TRIQK: variants seen among roughly 807,000 people sequenced by gnomAD.
TRIQK encodes the protein triple QxxK/R motif-containing protein.
TRIQK carries 10 observed loss-of-function variants against 10.8 expected under a neutral mutation model. The ratio of observed to expected loss-of-function variants is 0.92; its 90% confidence interval spans 0.57 to 1.57. The LOEUF (loss-of-function observed/expected upper bound fraction) is 1.57, where lower values mean the gene tolerates loss of function less well. Ranked by LOEUF, TRIQK falls within the 40% of genes most tolerant of loss-of-function variation. TRIQK has a pLI of 0.00. For missense variants in TRIQK, 107 were observed against 97.7 expected, an observed-to-expected ratio of 1.09 and a Z score of -0.40; for synonymous variants, 33 against 33.7, an observed-to-expected ratio of 0.98 and a Z score of 0.07.
chr8:92,983,609 T>A (rs1423182400), intron 1 of TRIQK, among the ~76,000 whole-genome samples: 2 of 152,106 alleles, frequency 1.3e-5, no homozygotes, highest in Non-Finnish European at 2.9e-5. Context: ...AAAGTATGTA[T>A]AATTTCTGAA....
intron 4 of TRIQK, among the ~76,000 whole-genome samples, chr8:92,891,049 T>G (rs1203097031): frequency 6.6e-6 from 1 of 151,802 alleles, no homozygotes. Flanking sequence ...TGTGCAAACA[T>G]ACTGCATCAC....
chr8:92,890,111 T>C (rs1361937833), intron 4 of TRIQK, among the ~76,000 whole-genome samples: 4 of 151,752 alleles, frequency 2.6e-5, no homozygotes, highest in African/African-American at 7.2e-5. Context: ...TTAAAAAGCA[T>C]TAAATGGCAA....
chr8:92,946,228 T>C (rs1811525128), intron 2 of TRIQK, among the ~76,000 whole-genome samples: 1 of 152,208 alleles, frequency 6.6e-6, no homozygotes, highest in South Asian at 2.1e-4. Context: ...ATTGCATTCA[T>C]GTTTAAAATC....
At chr8:92,961,891 T>C (rs2130713492) in intron 1 of TRIQK, among the ~76,000 whole-genome samples, 1 of 152,336 alleles carries the variant, frequency 6.6e-6, no homozygotes, top group Middle Eastern at 3.4e-3. Context: ...GGCTTAAAAG[T>C]CATGTGACTG....
intron 1 of TRIQK, among the ~76,000 whole-genome samples, chr8:93,014,433 A>G (rs1000226831): frequency 6.6e-6 from 1 of 152,080 alleles, no homozygotes; most frequent in Non-Finnish European, 1.5e-5. Flanking sequence ...TAACATTTGC[A>G]TTGAGAAAAT....
chr8:92,950,126 A>T lies in TRIQK; in HGVS notation c.-22+4280T>A, dbSNP rs539128896. 7.9e-5 allele frequency among the ~76,000 whole-genome samples: 12 copies of T among 152,326 alleles called. No homozygotes were observed. The South Asian group carries it at 1.7e-3, about 21-fold the overall frequency. On this transcript the variant is annotated intron_variant, in intron 2 of 4. Coordinates refer to ENST00000521988, the MANE Select transcript of TRIQK (RefSeq NM_001171797.2). ...TGGATAACTTTTAAAATGCCAAATT[A>T]TGTATGCTATCTTATTGTTCACACA... is the stretch of plus-strand genomic sequence containing the variant.
intron 2 of TRIQK, among the ~76,000 whole-genome samples, chr8:92,943,818 AC>A (rs1811388883): frequency 6.6e-6 from 1 of 152,196 alleles, no homozygotes; most frequent in Admixed American, 6.5e-5. Context: ...AGCACAGGCA[AC>A]AAAAGCAAAA....
chr8:93,009,720 A>C (rs1813313346), intron 1 of TRIQK, among the ~76,000 whole-genome samples: 2 of 152,158 alleles, frequency 1.3e-5, no homozygotes, highest in South Asian at 4.1e-4. Flanking sequence ...AACATTATGG[A>C]GGTTCCTCAA....
chr8:92,891,354 T>C (rs1409709171), intron 4 of TRIQK, among the ~76,000 whole-genome samples: 2 of 151,958 alleles, frequency 1.3e-5, no homozygotes, highest in Non-Finnish European at 2.9e-5. Context: ...TTAATTCTTC[T>C]ATTAATAGTT....
At chr8:92,966,483 T>C (rs1260611454), upstream of TRIQK, among the ~76,000 whole-genome samples, 1 of 152,138 alleles carries the variant, frequency 6.6e-6, no homozygotes, top group Non-Finnish European at 1.5e-5. Context: ...AACAATCAAT[T>C]AATTGCCCAT....
At chr8:92,951,703 CTG>C (rs1470248270) in intron 2 of TRIQK, among the ~76,000 whole-genome samples, 1 of 152,062 alleles carries the variant, frequency 6.6e-6, no homozygotes, top group Non-Finnish European at 1.5e-5. Flanking sequence ...CTACAGCACT[CTG>C]TCATTCTTAA....
At chr8:92,896,749 G>C (rs1358195627) in intron 3 of TRIQK, among the ~76,000 whole-genome samples, 1 of 151,642 alleles carries the variant, frequency 6.6e-6, no homozygotes, top group East Asian at 1.9e-4. Context: ...CTTTTTTCTT[G>C]CCTAATTCTC....
chr8:92,920,576 T>G lies in TRIQK; in HGVS notation c.-21-3566A>C, dbSNP rs140149710. ...AGAGAGACAAAGAGCAGATTAGGGG[T>G]TTTCACTGTCTCACCTGAGCCTATT... On this transcript the variant is annotated intron_variant, in intron 2 of 4. Transcript: ENST00000521988. 1.6e-3 allele frequency among the ~76,000 whole-genome samples: 237 copies of G among 148,748 alleles called. 1 individual carries two copies. Among genetic ancestry groups the G allele is most frequent in the African/African-American group, 5.5e-3 (221 of 40,480 alleles).
chr8:92,935,488 A>G (rs1404037695), intron 2 of TRIQK, among the ~76,000 whole-genome samples: 1 of 151,742 alleles, frequency 6.6e-6, no homozygotes, highest in African/African-American at 2.4e-5. Context: ...TAATGTAGCT[A>G]AAGTGATAAG....
intron 1 of TRIQK, among the ~76,000 whole-genome samples, chr8:93,003,738 T>C (rs1220362790): frequency 6.6e-6 from 1 of 152,150 alleles, no homozygotes; most frequent in African/African-American, 2.4e-5. Flanking sequence ...CAGGATACAA[T>C]GAGCGTACAG....
At chr8:92,920,887 T>G (rs897152457) in intron 2 of TRIQK, among the ~76,000 whole-genome samples, 1 of 151,636 alleles carries the variant, frequency 6.6e-6, no homozygotes, top group Non-Finnish European at 1.5e-5. Context: ...GAAGGCAAAC[T>G]CTATAGAGTT....
rs145396672 is a variant in TRIQK at position 93,004,136 on chromosome 8, C to T, written c.-181+13473G>A. Among the ~76,000 whole-genome samples the T allele has an allele frequency of 2.4e-4, 36 of 152,320 alleles. 1 individual carries two copies. In the East Asian group the frequency reaches 6.9e-3, roughly 29 times the overall value. ...CTCCCACATTTCTCCTCTGCACTGC[C>T]CTAGTAGAGGTTATTCATGAAGGAT... On this transcript the variant is annotated intron_variant, in intron 1 of 4. Coordinates refer to the TRIQK transcript ENST00000520686.
intron 1 of TRIQK, among the ~76,000 whole-genome samples, chr8:93,017,183 A>G (rs1345798955): frequency 6.8e-6 from 1 of 146,584 alleles, no homozygotes; most frequent in Non-Finnish European, 1.5e-5. Context: ...CCAGAAGAAT[A>G]TATACCAATA....
chr8:93,001,793 CACATTTATAGA>C (rs1813213120), intron 1 of TRIQK, among the ~76,000 whole-genome samples: 1 of 152,152 alleles, frequency 6.6e-6, no homozygotes, highest in South Asian at 2.1e-4. Flanking sequence ...ATGCACCTAA[CACATTTATAGA>C]ACATTTTATC....
Sources: gnomAD v4.1 joint callset for allele counts (sites outside exome capture counted in the v4.1 genomes callset) on GRCh38, gnomAD v4.1.1 for gene constraint, MANE v1.5 for transcripts, NCBI Gene and HGNC (gene_info 2026-07-23, HGNC 2026-07-21) for gene names.